Variants in UBE2D2 observed in about 807,000 individuals in gnomAD.
The protein encoded by UBE2D2 is ubiquitin conjugating enzyme E2 D2, also known as ubiquitin-conjugating enzyme E2 D2.
UBE2D2 carries 2 observed loss-of-function variants against 24.2 expected under a neutral mutation model. The observed-to-expected ratio is 0.08, with a 90% CI of 0.03 to 0.26. The LOEUF is 0.26. Among genes scored for constraint, UBE2D2 ranks in the 10% least tolerant of loss-of-function variants. The pLI, the probability that UBE2D2 is intolerant of heterozygous loss-of-function variation, is 1.00. For synonymous variants in UBE2D2, 58 were observed against 56.5 expected (o/e 1.03, Z -0.12); for missense variants, 44 against 177.6 (o/e 0.25, Z 4.28).
Position 139,561,477 on chromosome 5 carries a change from C to T in UBE2D2, c.-315C>T, listed in dbSNP as rs1753087384. 2.9e-6 allele frequency: 1 copy of T among 343,344 alleles called. No homozygotes were observed. Among genetic ancestry groups the T allele is most frequent in the Non-Finnish European group, 5.3e-6 (1 of 189,454 alleles). 21.3% of individuals were successfully genotyped at this position (343,344 alleles called of 1,614,324 possible). On this transcript the variant is annotated 5_prime_UTR_variant, in exon 1 of 7. Coordinates refer to ENST00000398733, the MANE Select transcript of UBE2D2 (RefSeq NM_003339.3). ...CGAGGCTTGGGCTTTTGCTTTCTGG[C>T]GGAGGGATCTGCGGCGGTTTAGGAG...
chr5:139,575,289 G>A (rs1753443749), intron 1 of UBE2D2, among the ~76,000 whole-genome samples: 1 of 152,126 alleles, frequency 6.6e-6, no homozygotes, highest in South Asian at 2.1e-4. Context: ...CTTAGATTTG[G>A]TGGACTTTTC....
At chr5:139,622,846 C>T (rs906318420) in intron 5 of UBE2D2, among the ~76,000 whole-genome samples, 8 of 151,630 alleles carry the variant, frequency 5.3e-5, no homozygotes, top group Non-Finnish European at 8.8e-5. Context: ...GCCTAGACCG[C>T]GCCGCGCCAC....
rs765686150 is a variant in UBE2D2, at chr5:139,614,935, A to T, written c.273A>T (p.Ser91=). ...NGSICLDILR[S]QWSPALTISK... ...GCATTTGTCTTGATATTCTACGATCACAGTGGTCTCCAGCACTAACTATTT... is the reference window on the plus strand; with the variant it reads ...GCATTTGTCTTGATATTCTACGATCTCAGTGGTCTCCAGCACTAACTATTT... The change falls in exon 5 of 7, where the codon TCA becomes TCT. Residue 91 remains serine, a synonymous_variant. Transcript: ENST00000398733. 2 of 1,613,984 alleles carry T rather than the reference A, an allele frequency of 1.2e-6. No individual in the cohort carries two copies. Among genetic ancestry groups the T allele is most frequent in the Admixed American group, 1.7e-5 (1 of 60,020 alleles).
rs200247238 is a variant in UBE2D2 at position 139,615,829 on chromosome 5, ATT to A, written c.304+886_304+887del. ...TCACAGTTGCGTTACAATAATCTAG[ATT>A]TTTTTTTTTTTTTTTTTTTTTTGAG... is the stretch of plus-strand genomic sequence containing the variant. On this transcript the variant is annotated intron_variant, in intron 5 of 6. Coordinates refer to ENST00000398733, the MANE Select transcript of UBE2D2 (RefSeq NM_003339.3). Among the ~76,000 whole-genome samples the A allele has an allele frequency of 8.7e-3, 825 of 95,258 alleles. 1 individual carries two copies. Among genetic ancestry groups the A allele is most frequent in the Middle Eastern group, 0.052 (7 of 134 alleles). 62.5% of individuals were successfully genotyped at this position (95,258 alleles called of 152,430 possible).
intron 1 of UBE2D2, among the ~76,000 whole-genome samples, chr5:139,549,688 G>T (rs563835812): frequency 6.6e-6 from 1 of 152,224 alleles, no homozygotes; most frequent in Admixed American, 6.5e-5. Context: ...CCTGCTCCGC[G>T]GCGCCCCATC....
In UBE2D2 at chr5:139,561,454, A is replaced by T. The variant is rs1055412144; in HGVS notation, c.-338A>T. On this transcript the variant is annotated 5_prime_UTR_variant, in exon 1 of 7. Transcript: ENST00000398733. ...GACCAAGAGAGGCCGGCCGAGCCCG[A>T]GGCTTGGGCTTTTGCTTTCTGGCGG... The T allele has an allele frequency of 6.9e-6, 2 of 290,710 alleles. No individual in the cohort carries two copies. Among genetic ancestry groups the T allele is most frequent in the Non-Finnish European group, 1.3e-5 (2 of 156,358 alleles). 18.0% of individuals were successfully genotyped at this position (290,710 alleles called of 1,614,324 possible).
chr5:139,546,891 TTTTC>T (rs1232499283), intron 1 of UBE2D2, among the ~76,000 whole-genome samples: 5 of 151,498 alleles, frequency 3.3e-5, no homozygotes, highest in East Asian at 1.9e-4. Context: ...TCTTTCTTTC[TTTTC>T]TTTCTTTCTT....
At chr5:139,547,376 A>G (rs1365100608) in intron 1 of UBE2D2, among the ~76,000 whole-genome samples, 1 of 152,170 alleles carries the variant, frequency 6.6e-6, no homozygotes, top group Non-Finnish European at 1.5e-5. Context: ...AGACAAGAAC[A>G]GAAAATGCCA....
intron 1 of UBE2D2, among the ~76,000 whole-genome samples, chr5:139,598,431 T>C (rs979667274): frequency 6.6e-6 from 1 of 152,134 alleles, no homozygotes; most frequent in Admixed American, 6.6e-5. Flanking sequence ...CTTGTGATTT[T>C]TCAGGCATCC....
intron 1 of UBE2D2, among the ~76,000 whole-genome samples, chr5:139,531,465 A>C (rs612875): frequency 3.9e-5 from 6 of 152,154 alleles, no homozygotes; most frequent in Admixed American, 1.3e-4. Context: ...ACTCGGGGAG[A>C]TCGGATTTTA....
At chr5:139,598,686 AAGT>A (rs1325073638) in intron 1 of UBE2D2, among the ~76,000 whole-genome samples, 1 of 147,580 alleles carries the variant, frequency 6.8e-6, no homozygotes, top group Non-Finnish European at 1.5e-5. Flanking sequence ...TGAGCCTCTC[AAGT>A]AGCTGGGATT....
At chr5:139,586,499 C>T (rs1753728552) in intron 1 of UBE2D2, among the ~76,000 whole-genome samples, 1 of 152,176 alleles carries the variant, frequency 6.6e-6, no homozygotes, top group African/African-American at 2.4e-5. Flanking sequence ...GACACAGTGG[C>T]TTACGCCTGT....
chr5:139,547,155 G>C (rs2126635969), intron 1 of UBE2D2, among the ~76,000 whole-genome samples: 2 of 151,874 alleles, frequency 1.3e-5, no homozygotes, highest in African/African-American at 4.8e-5. Context: ...GACAGGCGTA[G>C]TGGCGGGCGC....
At chr5:139,623,023 G>A (rs1339570690) in intron 5 of UBE2D2, among the ~76,000 whole-genome samples, 3 of 151,914 alleles carry the variant, frequency 2.0e-5, no homozygotes, top group Non-Finnish European at 1.5e-5. Context: ...CCAACATGGC[G>A]AAACCCCATC....
rs1753100302 is a variant in UBE2D2 at position 139,561,694 on chromosome 5, C to A, written c.-98C>A. 2 of 965,106 alleles carry A rather than the reference C, an allele frequency of 2.1e-6. No individual in the cohort carries two copies. The highest frequency in any genetic ancestry group is 2.9e-6 in the Non-Finnish European group (2 of 687,532). The allele number at this position is 965,106 out of a possible 1,614,324, so 59.8% of individuals were successfully genotyped here. On this transcript the variant is annotated 5_prime_UTR_variant, in exon 1 of 7. Coordinates refer to ENST00000398733, the MANE Select transcript of UBE2D2 (RefSeq NM_003339.3). Reference sequence around the variant, plus strand: ...TCAACTCTCCATCTTCTCCTGCCGACCGAGATCGCCGAGGCGGCCTCAGGC... The same window carrying A: ...TCAACTCTCCATCTTCTCCTGCCGAACGAGATCGCCGAGGCGGCCTCAGGC...
intron 2 of UBE2D2, among the ~76,000 whole-genome samples, chr5:139,603,648 G>A (rs921718573): frequency 7.3e-6 from 1 of 137,478 alleles, no homozygotes; most frequent in Non-Finnish European, 1.6e-5. Flanking sequence ...AAAAAAAAAG[G>A]CTGGGTGTGG....
At chr5:139,527,073 T>C (rs1752549962) in intron 1 of UBE2D2, among the ~76,000 whole-genome samples, 1 of 152,114 alleles carries the variant, frequency 6.6e-6, no homozygotes, top group African/African-American at 2.4e-5. Flanking sequence ...AAAAAAAATT[T>C]CAAGATTTAA....
Position 139,561,457 on chromosome 5 carries a change from C to T in UBE2D2, c.-335C>T, listed in dbSNP as rs1753086873. 2 of 306,432 alleles carry T rather than the reference C, an allele frequency of 6.5e-6. No individual in the cohort carries two copies. The highest frequency in any genetic ancestry group is 1.2e-5 in the Non-Finnish European group (2 of 166,196). The allele number at this position is 306,432 out of a possible 1,614,324, so 19.0% of individuals were successfully genotyped here. ...CAAGAGAGGCCGGCCGAGCCCGAGGCTTGGGCTTTTGCTTTCTGGCGGAGG... is the reference window on the plus strand; with the variant it reads ...CAAGAGAGGCCGGCCGAGCCCGAGGTTTGGGCTTTTGCTTTCTGGCGGAGG... On this transcript the variant is annotated 5_prime_UTR_variant, in exon 1 of 7. Coordinates refer to ENST00000398733, the MANE Select transcript of UBE2D2 (RefSeq NM_003339.3).
At chr5:139,620,714 G>T (rs1350367294) in intron 5 of UBE2D2, among the ~76,000 whole-genome samples, 1 of 152,198 alleles carries the variant, frequency 6.6e-6, no homozygotes, top group Non-Finnish European at 1.5e-5. Flanking sequence ...ATCTCTATAG[G>T]ATAGATTTGG....
Sources: gnomAD v4.1 joint callset for allele counts (sites outside exome capture counted in the v4.1 genomes callset) on GRCh38, gnomAD v4.1.1 for gene constraint, MANE v1.5 for transcripts, NCBI Gene and HGNC (gene_info 2026-07-23, HGNC 2026-07-21) for gene names.